Variants in CRYBG3 observed in about 807,000 individuals in gnomAD.
CRYBG3 encodes very large A-kinase anchor protein.
A neutral mutation model predicts 244.2 loss-of-function variants in CRYBG3; 127 were observed. That is an observed-to-expected ratio of 0.52 (90% confidence interval 0.45 to 0.60). The LOEUF (loss-of-function observed/expected upper bound fraction) is 0.60, where lower values mean the gene tolerates loss of function less well. Among genes scored for constraint, CRYBG3 ranks in the 20% least tolerant of loss-of-function variants. The pLI is 0.00. For synonymous variants in CRYBG3, 1,132 were observed against 1,195.8 expected, an observed-to-expected ratio of 0.95 and a Z score of 1.10; for missense variants, 3,325 against 3,442.5, an observed-to-expected ratio of 0.97 and a Z score of 0.85.
At chr3:97,933,608 A>G (rs928148188) in intron 17 of CRYBG3, 86 bp from the exon 18 acceptor site, 18 of 1,348,054 alleles carry the variant, frequency 1.3e-5, no homozygotes, top group African/African-American at 7.3e-5. Context: ...TAAGAATACA[A>G]TGGATTCAGG....
intron 19 of CRYBG3, 112 bp downstream of exon 19, chr3:97,937,020 T>A: frequency 8.6e-7 from 1 of 1,165,024 alleles, no homozygotes; most frequent in Non-Finnish European, 1.2e-6. Flanking sequence ...ATTTACATAG[T>A]AGGGGGAGTG....
At chr3:97,936,737 T>G (rs745362488) in intron 18 of CRYBG3, 48 bp from the exon 19 acceptor site, 16 of 1,591,034 alleles carry the variant, frequency 1.0e-5, no homozygotes, top group African/African-American at 2.7e-5. Context: ...GATGAGGGAT[T>G]TTTTTTTGTT....
Position 97,864,449 on chromosome 3 carries a change from A to G in CRYBG3, c.449A>G (p.Asp150Gly). 2.6e-6 allele frequency: 4 copies of G among 1,535,970 alleles called. No homozygotes were observed. The highest frequency in any genetic ancestry group is 3.5e-6 in the Non-Finnish European group (4 of 1,146,794). Reference protein sequence around the residue: ...AKQSSFKDDQDKTEKDLQNPS... With the variant: ...AKQSSFKDDQGKTEKDLQNPS... The stretch of plus-strand genomic sequence containing the variant: ...CAGTCTTCTTTCAAAGATGACCAGG[A>G]TAAAACTGAGAAGGATTTACAAAAT... Residue 150 changes from aspartate to glycine, a missense_variant, in exon 3 of 22, where the codon GAT (aspartate) becomes GGT (glycine). This residue lies in a region of CRYBG3 where 1,526 missense variants were observed against 1,443.2 expected (regional missense o/e 1.06). Transcript: ENST00000389622.
Position 97,864,428 on chromosome 3 carries a change from C to G in CRYBG3, c.428C>G (p.Ser143Cys). ...GKSSLGEAKQ[S>C]SFKDDQDKTE... ...TCATCTCTAGGTGAAGCTAAGCAGT[C>G]TTCTTTCAAAGATGACCAGGATAAA... The change falls in exon 3 of 22, where the codon TCT becomes TGT. Residue 143 changes from serine to cysteine, a missense_variant. By Grantham distance (112) the Ser-to-Cys change is moderately radical. Coordinates refer to ENST00000389622, the MANE Select transcript of CRYBG3 (RefSeq NM_153605.4). The G allele has an allele frequency of 6.5e-7, 1 of 1,535,776 alleles. No individual in the cohort carries two copies. The highest frequency in any genetic ancestry group is 2.4e-5 in the East Asian group (1 of 40,880).
chr3:97,841,217 TGTATATGTATATATGTGTGTATATAC>T (rs1396010336), intron 1 of CRYBG3, among the ~76,000 whole-genome samples: 1 of 142,300 alleles, frequency 7.0e-6, no homozygotes, highest in Non-Finnish European at 1.5e-5. Context: ...TATGTATATA[TGTATATGTATATATGTGTGTATATAC>T]ATATATGTAT....
Position 97,828,828 on chromosome 3 carries a change from CAA to C in CRYBG3, c.149+6489_149+6490del, listed in dbSNP as rs11341279. Among the ~76,000 whole-genome samples, 539 of 114,896 alleles carry C rather than the reference CAA, an allele frequency of 4.7e-3. 3 individuals carry two copies. The highest frequency in any genetic ancestry group is 0.015 in the African/African-American group (395 of 26,128). The allele number at this position is 114,896 out of a possible 152,430, so 75.4% of individuals were successfully genotyped here. ...GGGCAATAAGAGTGAAACTCCATCT[CAA>C]AAAAAAAAAAAAAAATAACAAAAAC... On this transcript the variant is annotated intron_variant, in intron 1 of 21. Transcript: ENST00000389622.
chr3:97,830,597 T>G (rs1427569292), intron 1 of CRYBG3, among the ~76,000 whole-genome samples: 1 of 152,204 alleles, frequency 6.6e-6, no homozygotes, highest in Admixed American at 6.5e-5. Flanking sequence ...TGGGTATAAA[T>G]TTATAGACTC....
chr3:97,855,441 A>T (rs377280129), intron 2 of CRYBG3, among the ~76,000 whole-genome samples: 5 of 152,156 alleles, frequency 3.3e-5, no homozygotes. Context: ...GTTTAGTAGA[A>T]TTCAGCAGTG....
intron 21 of CRYBG3, 69 bp downstream of exon 21, chr3:97,942,512 G>T: frequency 7.2e-7 from 1 of 1,386,308 alleles, no homozygotes; most frequent in Non-Finnish European, 9.8e-7. Flanking sequence ...TCCTCATTTT[G>T]GGTAAAGGAC....
At chr3:97,856,310 G>C (rs566150039) in intron 2 of CRYBG3, among the ~76,000 whole-genome samples, 37 of 151,966 alleles carry the variant, frequency 2.4e-4, no homozygotes, top group Non-Finnish European at 4.0e-4. Context: ...TTTTTTCAAG[G>C]TGCCCAGATT....
chr3:97,831,861 A>G (rs1186947287), intron 1 of CRYBG3, among the ~76,000 whole-genome samples: 1 of 151,970 alleles, frequency 6.6e-6, no homozygotes, highest in Non-Finnish European at 1.5e-5. Flanking sequence ...GAATGCTGTT[A>G]TTCTTCGTCT....
At chr3:97,896,658 G>A (rs1239793498) in intron 12 of CRYBG3, among the ~76,000 whole-genome samples, 4 of 152,240 alleles carry the variant, frequency 2.6e-5, no homozygotes, top group African/African-American at 7.2e-5. Flanking sequence ...TTGATTCTCA[G>A]CTGGGGGTGA....
chr3:97,885,358 C>T (rs1245133450), intron 7 of CRYBG3, among the ~76,000 whole-genome samples: 1 of 152,082 alleles, frequency 6.6e-6, no homozygotes, highest in African/African-American at 2.4e-5. Context: ...ATTGTTCAGT[C>T]TCTTATAAAT....
Position 97,936,798 on chromosome 3 carries a change from G to C in CRYBG3, c.8395G>C (p.Glu2799Gln), listed in dbSNP as rs762203738. The change falls in exon 19 of 22, where the codon GAA (glutamate) becomes CAA (glutamine). Residue 2799 changes from glutamate to glutamine, a missense_variant. Glu to Gln is a conservative substitution (Grantham distance 29). This residue lies in a region of CRYBG3 where 714 missense variants were observed against 803.6 expected (regional missense o/e 0.89). Transcript: ENST00000389622. ...TTGTTCTCATAGATGGATAGCTTAT[G>C]AAGGATCCAATTTCTTGGGAAGACA... Reference protein sequence around the residue: ...WVKSGLWIAYEGSNFLGRQIL... With the variant: ...WVKSGLWIAYQGSNFLGRQIL... 16 of 1,612,674 alleles carry C rather than the reference G, an allele frequency of 9.9e-6. No homozygotes were observed. The South Asian group carries it at 1.6e-4, about 17-fold the overall frequency.
rs550930576 is a variant in CRYBG3 at position 97,828,222 on chromosome 3, A to G, written c.149+5867A>G. Among the ~76,000 whole-genome samples the G allele has an allele frequency of 2.6e-4, 40 of 152,264 alleles. 1 individual carries two copies. The highest frequency in any genetic ancestry group is 9.6e-4 in the African/African-American group (40 of 41,546). ...TACTAGTGGGAGTATAAATTGATAC[A>G]CCACTTTGGAGAGAAATTTGATATG... On this transcript the variant is annotated intron_variant, in intron 1 of 21. Transcript: ENST00000389622.
intron 15 of CRYBG3, among the ~76,000 whole-genome samples, chr3:97,910,770 C>T (rs1161321395): frequency 3.9e-5 from 6 of 152,302 alleles, no homozygotes; most frequent in Non-Finnish European, 7.3e-5. Flanking sequence ...TTGGCTCCTC[C>T]CCCTTCTTTT....
At chr3:97,887,670 C>T (rs190500711) in intron 8 of CRYBG3, among the ~76,000 whole-genome samples, 12 of 152,234 alleles carry the variant, frequency 7.9e-5, no homozygotes, top group African/African-American at 2.4e-4. Context: ...GCAGGAGAAT[C>T]GCTTGAACCC....
chr3:97,888,093 T>C (rs1326252874), intron 8 of CRYBG3, among the ~76,000 whole-genome samples: 1 of 152,216 alleles, frequency 6.6e-6, no homozygotes, highest in Non-Finnish European at 1.5e-5. Flanking sequence ...AAGTAATGCC[T>C]AATGATTGGA....
Position 97,877,826 on chromosome 3 carries a change from G to T in CRYBG3, c.6632G>T (p.Gly2211Val). 1 of 1,614,048 alleles carries T rather than the reference G, an allele frequency of 6.2e-7. No homozygotes were observed. Among genetic ancestry groups the T allele is most frequent in the African/African-American group, 1.3e-5 (1 of 75,020 alleles). Residue 2211 changes from glycine (G) to valine (V), a missense_variant, in exon 4 of 22, where the codon GGT becomes GTT. Gly to Val is a moderately radical substitution (Grantham distance 109). Coordinates refer to ENST00000389622, the MANE Select transcript of CRYBG3 (RefSeq NM_153605.4). ...NEPTTSNLQV[G>V]LWPEKTSFLQ... is the part of the protein sequence containing the mutation. The stretch of plus-strand genomic sequence containing the variant: ...CCTACTACCTCCAATCTGCAAGTTG[G>T]TCTGTGGCCAGAAAAGACCTCGTTT...
Sources: allele counts gnomAD v4.1 joint callset (sites outside exome capture counted in the v4.1 genomes callset), GRCh38; gene constraint gnomAD v4.1.1; regional missense constraint gnomAD v4.1.1; transcripts MANE v1.5; gene names NCBI Gene and HGNC (gene_info 2026-07-23, HGNC 2026-07-21).